Variants in PRDM16 observed in about 807,000 individuals in gnomAD.
PRDM16 encodes the protein PR/SET domain 16, also known as histone-lysine N-methyltransferase PRDM16.
PRDM16 carries 23 observed loss-of-function variants against 110.6 expected under a neutral mutation model. The observed-to-expected ratio is 0.21, with a 90% CI of 0.15 to 0.29. The LOEUF (loss-of-function observed/expected upper bound fraction) is 0.29, where lower values mean the gene tolerates loss of function less well. Among genes scored for constraint, PRDM16 ranks in the 10% least tolerant of loss-of-function variants. The pLI is 1.00. For missense variants in PRDM16, 1,615 were observed against 1,794.3 expected, an observed-to-expected ratio of 0.90 and a Z score of 1.81; for synonymous variants, 799 against 781.8, an observed-to-expected ratio of 1.02 and a Z score of -0.37.
intron 3 of PRDM16, among the ~76,000 whole-genome samples, chr1:3,374,882 G>A (rs1642965966): frequency 6.6e-6 from 1 of 152,204 alleles, no homozygotes; most frequent in African/African-American, 2.4e-5. Context: ...AGCCAGGCGG[G>A]GGAGCAGCAG....
chr1:3,259,112 G>A (rs1018218395), intron 3 of PRDM16, among the ~76,000 whole-genome samples: 3 of 152,326 alleles, frequency 2.0e-5, no homozygotes, highest in African/African-American at 7.2e-5. Context: ...ACCCTGGGTC[G>A]GTGGGGAGCT....
intron 2 of PRDM16, among the ~76,000 whole-genome samples, chr1:3,226,608 G>A (rs188965803): frequency 2.5e-4 from 38 of 152,300 alleles, no homozygotes; most frequent in Admixed American, 2.2e-3. Context: ...TAGGCTTGGA[G>A]CATTTAACAA....
Position 3,433,773 on chromosome 1 carries a change from T to C in PRDM16, c.3793T>C (p.Ser1265Pro). 5.0e-6 allele frequency: 8 copies of C among 1,613,802 alleles called. No individual in the cohort carries two copies. The highest frequency in any genetic ancestry group is 6.8e-6 in the Non-Finnish European group (8 of 1,179,912). ...TTGGTTGAAGGTCACTGGAGCCACG[T>C]CGGAGTCTGGAGCATTTCACCCCAT... ...DAWLKVTGAT[S>P]ESGAFHPINH... Residue 1265 changes from serine (S) to proline (P), a missense_variant, in exon 17 of 17, where the codon TCG (serine) becomes CCG (proline). Physicochemically the swap from Ser to Pro is moderately conservative, Grantham distance 74. This residue lies in a region of PRDM16 where 327 missense variants were observed against 359.3 expected (regional missense o/e 0.91). Coordinates refer to ENST00000270722, the MANE Select transcript of PRDM16 (RefSeq NM_022114.4).
At chr1:3,387,399 T>C (rs1643217868) in intron 4 of PRDM16, among the ~76,000 whole-genome samples, 1 of 152,234 alleles carries the variant, frequency 6.6e-6, no homozygotes, top group Non-Finnish European at 1.5e-5. Flanking sequence ...GAACTCGAAA[T>C]GCACATTTAA....
intron 3 of PRDM16, among the ~76,000 whole-genome samples, chr1:3,261,987 T>A (rs1370593837): frequency 1.3e-5 from 2 of 152,228 alleles, no homozygotes; most frequent in African/African-American, 2.4e-5. Context: ...CTGCTGCCCT[T>A]GGAGCTGAAT....
Position 3,286,733 on chromosome 1 carries a change from C to T in PRDM16, c.438+42596C>T, listed in dbSNP as rs146296898. ...ACCATTTTCATACCGACAGCCTCTA[C>T]GTGCTGGGCGCTTAACTCACAGGAG... On this transcript the variant is annotated intron_variant, in intron 3 of 16. Transcript: ENST00000270722. Among the ~76,000 whole-genome samples, 234 of 152,326 alleles carry T rather than the reference C, an allele frequency of 1.5e-3. 1 individual carries two copies. The highest frequency in any genetic ancestry group is 2.8e-3 in the Non-Finnish European group (190 of 68,034).
chr1:3,398,336 C>A (rs1336914506), intron 5 of PRDM16, among the ~76,000 whole-genome samples: 1 of 152,190 alleles, frequency 6.6e-6, no homozygotes, highest in Non-Finnish European at 1.5e-5. Flanking sequence ...TTGCTTGCCA[C>A]ACATAATAGC....
At chr1:3,351,187 G>A (rs1040488270) in intron 3 of PRDM16, among the ~76,000 whole-genome samples, 2 of 152,220 alleles carry the variant, frequency 1.3e-5, no homozygotes, top group Admixed American at 6.5e-5. Context: ...GGTCCACCCC[G>A]GCCCCTGGCC....
At chr1:3,118,778 C>T (rs563693419) in intron 1 of PRDM16, among the ~76,000 whole-genome samples, 53 of 152,228 alleles carry the variant, frequency 3.5e-4, no homozygotes, top group Admixed American at 2.7e-3. Context: ...CGTGCTAGGG[C>T]GTGCGTGTAC....
chr1:3,234,760 C>G (rs1245334339), intron 2 of PRDM16, among the ~76,000 whole-genome samples: 2 of 152,252 alleles, frequency 1.3e-5, no homozygotes, highest in African/African-American at 4.8e-5. Context: ...TTTCCACTCA[C>G]TGACTCATGA....
chr1:3,423,950 G>A lies in PRDM16; in HGVS notation c.2940-1631G>A, dbSNP rs564771000. On this transcript the variant is annotated intron_variant, in intron 12 of 16. Coordinates refer to ENST00000270722, the MANE Select transcript of PRDM16 (RefSeq NM_022114.4). ...TGGGATCAGATGAGCACCGCTGCGG[G>A]CGTTCTGATGACCAAGAGCACACAC... Among the ~76,000 whole-genome samples the A allele has an allele frequency of 8.9e-4, 135 of 152,376 alleles. 1 individual carries two copies. Among genetic ancestry groups the A allele is most frequent in the Non-Finnish European group, 1.6e-3 (107 of 68,036 alleles).
intron 1 of PRDM16, among the ~76,000 whole-genome samples, chr1:3,105,564 CCCTCAGATGTGAGCCTAG>C (rs1642634049): frequency 6.6e-6 from 1 of 152,112 alleles, no homozygotes. Context: ...TCCCGGCATC[CCCTCAGATGTGAGCCTAG>C]CGCTGTCCCC....
At chr1:3,399,735 G>T (rs1643437534) in intron 5 of PRDM16, among the ~76,000 whole-genome samples, 1 of 152,198 alleles carries the variant, frequency 6.6e-6, no homozygotes, top group African/African-American at 2.4e-5. Context: ...GAAAAAATAA[G>T]TTGGTCAATA....
At chr1:3,184,680 C>CATCACCCCGAAAGGAGACCTGGGCCT (rs1557513026) in intron 1 of PRDM16, among the ~76,000 whole-genome samples, 19 of 152,316 alleles carry the variant, frequency 1.2e-4, no homozygotes, top group Admixed American at 2.6e-4. Flanking sequence ...CCAAACACCT[C>CATCACCCCGAAAGGAGACCTGGGCCT]ATCACCCCGA....
At chr1:3,076,469 C>T (rs1232844926) in intron 1 of PRDM16, among the ~76,000 whole-genome samples, 2 of 152,194 alleles carry the variant, frequency 1.3e-5, no homozygotes, top group African/African-American at 4.8e-5. Flanking sequence ...GGCTGGTCCC[C>T]TGCGTGGAGT....
intron 1 of PRDM16, among the ~76,000 whole-genome samples, chr1:3,104,651 A>T (rs1642608874): frequency 8.3e-6 from 1 of 120,868 alleles, no homozygotes. Flanking sequence ...TGCCCCCTTC[A>T]TTCAGAGCTG....
chr1:3,349,647 C>T (rs1369956806), intron 3 of PRDM16, among the ~76,000 whole-genome samples: 1 of 152,224 alleles, frequency 6.6e-6, no homozygotes, highest in East Asian at 1.9e-4. Context: ...GAGCTCAGGG[C>T]CGCCCGTGAA....
intron 1 of PRDM16, among the ~76,000 whole-genome samples, chr1:3,168,842 A>G (rs1643992086): frequency 6.6e-6 from 1 of 152,120 alleles, no homozygotes. Flanking sequence ...CCAGGTGGCC[A>G]CTGTCGTTCC....
chr1:3,430,787 G>T, intron 14 of PRDM16, 85 bp from the exon 15 acceptor site: 1 of 1,497,966 alleles, frequency 6.7e-7, no homozygotes. Flanking sequence ...GGCAGTGGGG[G>T]CAGAGCGGAG....
Sources: allele counts gnomAD v4.1 joint callset (sites outside exome capture counted in the v4.1 genomes callset), GRCh38; gene constraint gnomAD v4.1.1; regional missense constraint gnomAD v4.1.1; transcripts MANE v1.5; gene names NCBI Gene and HGNC (gene_info 2026-07-23, HGNC 2026-07-21).